The following FBXO10 variants were observed in gnomAD, a reference collection of about 807,000 sequenced individuals.
FBXO10 encodes the protein F-box protein 10.
In FBXO10, 39 loss-of-function variants were observed where a neutral mutation model predicts 80.7. That is an observed-to-expected ratio of 0.48 (90% CI 0.37 to 0.63). The LOEUF (loss-of-function observed/expected upper bound fraction) is 0.63. Ranked by LOEUF, FBXO10 falls within the 30% of genes least tolerant of loss-of-function variation. The pLI is 0.00. For missense variants in FBXO10, 1,025 were observed against 1,269.0 expected (o/e 0.81, Z 2.92); for synonymous variants, 449 against 489.6 (o/e 0.92, Z 1.09).
chr9:37,552,647 G>T (rs1822229921), intron 1 of FBXO10, among the ~76,000 whole-genome samples: 1 of 144,248 alleles, frequency 6.9e-6, no homozygotes, highest in Non-Finnish European at 1.5e-5. Context: ...AGCCGAGATT[G>T]CGCCACTGCA....
rs772801428 is a variant in FBXO10 at position 37,521,622 on chromosome 9, C to T, written c.2147G>A (p.Arg716His). The change falls in exon 8 of 11, where the codon CGC (arginine) becomes CAC (histidine). Residue 716 changes from arginine to histidine, a missense_variant. By Grantham distance (29) the Arg-to-His change is conservative. Transcript: ENST00000432825. ...AACAAGAGCTATGGTGATGGGCCGG[C>T]GCAGTGGGTCGTCCTCCTTCTCCAG... ...TELEKEDDPLRRPITIALVES... is the reference protein window; with the variant it reads ...TELEKEDDPLHRPITIALVES... 11 of 1,613,884 alleles carry T rather than the reference C, an allele frequency of 6.8e-6. No homozygotes were observed. The highest frequency in any genetic ancestry group is 2.2e-5 in the South Asian group (2 of 91,052).
rs1473350699 is a variant in FBXO10, at chr9:37,512,253, G to GA, written c.*293dup. ...AAAACACAGTTCCTTAGAACTCAGA[G>GA]AAAATCCTGACCAAAAGCTTCAGCA... is the stretch of plus-strand genomic sequence containing the variant. On this transcript the variant is annotated 3_prime_UTR_variant, in exon 11 of 11. Coordinates refer to ENST00000432825, the MANE Select transcript of FBXO10 (RefSeq NM_012166.3). The GA allele has an allele frequency of 1.8e-5, 5 of 272,410 alleles. No individual in the cohort carries two copies. The highest frequency in any genetic ancestry group is 3.4e-5 in the Non-Finnish European group (5 of 145,434). 16.9% of individuals were successfully genotyped at this position (272,410 alleles called of 1,614,324 possible).
chr9:37,560,937 T>C (rs1166209312), intron 1 of FBXO10, among the ~76,000 whole-genome samples: 2 of 152,070 alleles, frequency 1.3e-5, no homozygotes, highest in Non-Finnish European at 2.9e-5. Context: ...GGTCAGGAGA[T>C]TGAGACCATC....
At chr9:37,521,932 GGA>G in intron 7 of FBXO10, 94 bp from the exon 8 acceptor site, 1 of 1,381,372 alleles carries the variant, frequency 7.2e-7, no homozygotes, top group Non-Finnish European at 9.6e-7. Flanking sequence ...CACTGGCCTG[GGA>G]GAGAGTCCCT....
chr9:37,535,212 A>G (rs1191975931), intron 3 of FBXO10, among the ~76,000 whole-genome samples: 1 of 152,222 alleles, frequency 6.6e-6, no homozygotes, highest in Non-Finnish European at 1.5e-5. Context: ...CCTAAGAGCC[A>G]GGCAAAAGAA....
At position 37,522,816 on chromosome 9, in the gene FBXO10, G is replaced by C; in HGVS notation, c.1930+9C>G. 6.4e-7 allele frequency: 1 copy of C among 1,551,612 alleles called. No individual in the cohort carries two copies. Among genetic ancestry groups the C allele is most frequent in the South Asian group, 1.2e-5 (1 of 84,012 alleles). ...GCCTCCCCGGCTGGGTTGGGAACAA[G>C]CTCCTCACCGTAGATGGTATTTCCT... On this transcript the variant is annotated intron_variant, in intron 7 of 10. Transcript: ENST00000432825.
At chr9:37,532,100 T>C (rs1417672552) in intron 3 of FBXO10, 42 bp from the exon 4 acceptor site, 1 of 1,580,054 alleles carries the variant, frequency 6.3e-7, no homozygotes, top group Admixed American at 1.8e-5. Context: ...CTGTTACAAA[T>C]ATTTTTTTAG....
At chr9:37,558,644 G>T (rs148653792) in intron 1 of FBXO10, among the ~76,000 whole-genome samples, 4 of 151,958 alleles carry the variant, frequency 2.6e-5, no homozygotes, top group Non-Finnish European at 5.9e-5. Context: ...TTAAGTAAAC[G>T]AATAATCAGA....
chr9:37,542,212 T>C (rs1241487791), intron 1 of FBXO10, among the ~76,000 whole-genome samples: 4 of 152,184 alleles, frequency 2.6e-5, no homozygotes, highest in African/African-American at 9.7e-5. Flanking sequence ...GTCAGAGGAC[T>C]CCATCCTTTC....
At chr9:37,530,738 T>TCCTCCCA (rs1291812751) in intron 4 of FBXO10, among the ~76,000 whole-genome samples, 1 of 152,054 alleles carries the variant, frequency 6.6e-6, no homozygotes, top group African/African-American at 2.4e-5. Flanking sequence ...ACTCAAGTGA[T>TCCTCCCA]CCTCCCACCT....
intron 1 of FBXO10, among the ~76,000 whole-genome samples, chr9:37,568,871 A>G (rs1277929845): frequency 2.0e-5 from 3 of 152,256 alleles, no homozygotes; most frequent in Non-Finnish European, 4.4e-5. Context: ...CCATTAAGAA[A>G]AAGTGTATAA....
intron 1 of FBXO10, among the ~76,000 whole-genome samples, chr9:37,567,054 A>T (rs962964863): frequency 6.6e-6 from 1 of 151,830 alleles, no homozygotes; most frequent in African/African-American, 2.4e-5. Flanking sequence ...TCTCACATAA[A>T]TTTATTGCAT....
rs1369857888 is a variant in FBXO10 at position 37,516,089 on chromosome 9, G to A, written c.2515-4C>T. The A allele has an allele frequency of 6.2e-7, 1 of 1,608,636 alleles. No homozygotes were observed. Among genetic ancestry groups the A allele is most frequent in the African/African-American group, 1.3e-5 (1 of 74,450 alleles). On this transcript the variant is annotated splice_polypyrimidine_tract_variant and splice_region_variant and intron_variant, in intron 9 of 10. Transcript: ENST00000432825. The stretch of plus-strand genomic sequence containing the variant: ...AGTGGATCCGGTTCTTTATTACCTG[G>A]GAGAGGCAGCCAGAGATTGTCACAC...
intron 4 of FBXO10, among the ~76,000 whole-genome samples, chr9:37,530,658 C>T (rs1263351441): frequency 2.6e-5 from 4 of 152,186 alleles, no homozygotes; most frequent in Admixed American, 1.3e-4. Context: ...CTCTGTTGCC[C>T]AGGCTGGAGT....
chr9:37,531,812 G>T, intron 4 of FBXO10, 97 bp downstream of exon 4: 2 of 1,369,042 alleles, frequency 1.5e-6, no homozygotes, highest in South Asian at 1.2e-5. Context: ...CAAACAGGAA[G>T]CACGTAAATA....
Position 37,511,248 on chromosome 9 carries a change from T to A in FBXO10, c.*1299A>T, listed in dbSNP as rs1403828574. On this transcript the variant is annotated 3_prime_UTR_variant, in exon 11 of 11. Coordinates refer to ENST00000432825, the MANE Select transcript of FBXO10 (RefSeq NM_012166.3). ...GCCGAGTGGGAGGGGATTGTTCAGG[T>A]TGAGCTGGCCCTGCATCCAGCCCTC... 2.0e-5 allele frequency: 3 copies of A among 152,804 alleles called. No homozygotes were observed. In the Admixed American group the frequency reaches 2.0e-4, roughly 10 times the overall value. 9.5% of individuals were successfully genotyped at this position (152,804 alleles called of 1,614,324 possible). A position where few individuals can be genotyped will look rare whatever the true frequency, so the allele number is the denominator to read the frequency against.
rs1822532598 is a variant in FBXO10 at position 37,563,616 on chromosome 9, T to C, written c.-7+12595A>G. ...GTCTCAGATGGAGATAAGCCACTTC[T>C]TAGGAACCGGAGTAAAGGTAACTCT... On this transcript the variant is annotated intron_variant, in intron 1 of 10. Transcript: ENST00000432825. 3.3e-5 allele frequency among the ~76,000 whole-genome samples: 5 copies of C among 152,200 alleles called. No individual in the cohort carries two copies. In the South Asian group the frequency reaches 8.3e-4, roughly 25 times the overall value.
intron 2 of FBXO10, among the ~76,000 whole-genome samples, chr9:37,539,163 G>A (rs1269387672): frequency 6.6e-6 from 1 of 152,150 alleles, no homozygotes; most frequent in Non-Finnish European, 1.5e-5. Context: ...TTTTAAAATT[G>A]ACCTTTGATA....
intron 1 of FBXO10, among the ~76,000 whole-genome samples, chr9:37,550,748 C>T (rs767118655): frequency 6.6e-6 from 1 of 152,072 alleles, no homozygotes; most frequent in East Asian, 1.9e-4. Context: ...CAAAGTGCTG[C>T]GATTATAGGC....
Sources: allele counts gnomAD v4.1 joint callset (sites outside exome capture counted in the v4.1 genomes callset), GRCh38; gene constraint gnomAD v4.1.1; transcripts MANE v1.5; gene names NCBI Gene and HGNC (gene_info 2026-07-23, HGNC 2026-07-21).